Variants in ADGRL2 observed in about 807,000 individuals in gnomAD.
ADGRL2 encodes calcium-independent alpha-latrotoxin receptor 2.
Under a neutral mutation model 157.4 loss-of-function variants are expected in ADGRL2, and 44 were observed. The ratio of observed to expected loss-of-function variants is 0.28; its 90% confidence interval spans 0.22 to 0.36. The LOEUF is 0.36. ADGRL2 is among the 10% of genes least tolerant of loss of function. The pLI, the probability that ADGRL2 is intolerant of heterozygous loss-of-function variation, is 1.00. For missense variants in ADGRL2, 1,510 were observed against 1,768.9 expected, an observed-to-expected ratio of 0.85 and a Z score of 2.63; for synonymous variants, 585 against 624.7, an observed-to-expected ratio of 0.94 and a Z score of 0.95.
intron 1 of ADGRL2, among the ~76,000 whole-genome samples, chr1:81,331,523 T>C (rs1427101652): frequency 6.6e-6 from 1 of 152,128 alleles, no homozygotes; most frequent in African/African-American, 2.4e-5. Flanking sequence ...ATTATATTTG[T>C]TTTCCTCAAA....
chr1:81,802,045 C>G (rs1017219867), intron 1 of ADGRL2, among the ~76,000 whole-genome samples: 43 of 150,666 alleles, frequency 2.9e-4, no homozygotes, highest in African/African-American at 1.0e-3. Context: ...GAGGACGCGC[C>G]GAGCTGCGGC....
chr1:81,426,982 C>T (rs773734985), intron 1 of ADGRL2: 25 of 851,208 alleles, frequency 2.9e-5, no homozygotes, highest in Middle Eastern at 2.8e-4. Context: ...TTGATGATCA[C>T]GATACAGTTG....
intron 1 of ADGRL2, among the ~76,000 whole-genome samples, chr1:81,753,465 G>A (rs1183375899): frequency 6.6e-6 from 1 of 152,150 alleles, no homozygotes; most frequent in Admixed American, 6.5e-5. Context: ...TTTGGGTGGA[G>A]ACACAGAGCC....
At chr1:81,935,037 T>C (rs2095289674) in intron 3 of ADGRL2, among the ~76,000 whole-genome samples, 1 of 151,956 alleles carries the variant, frequency 6.6e-6, no homozygotes, top group Non-Finnish European at 1.5e-5. Context: ...CAGAATTATA[T>C]TTATTAGTTG....
intron 1 of ADGRL2, among the ~76,000 whole-genome samples, chr1:81,738,088 A>G (rs756090933): frequency 1.3e-5 from 2 of 152,186 alleles, no homozygotes; most frequent in African/African-American, 2.4e-5. Flanking sequence ...TAAAATAAAC[A>G]CACTCTATGT....
At chr1:81,684,296 C>T (rs1475305258) in intron 3 of ADGRL2, among the ~76,000 whole-genome samples, 1 of 152,168 alleles carries the variant, frequency 6.6e-6, no homozygotes, top group Admixed American at 6.6e-5. Flanking sequence ...TCAACATCTA[C>T]TGTTTTTTAA....
At chr1:81,347,335 A>G (rs1201658148) in intron 1 of ADGRL2, among the ~76,000 whole-genome samples, 1 of 151,970 alleles carries the variant, frequency 6.6e-6, no homozygotes, top group Non-Finnish European at 1.5e-5. Flanking sequence ...CGGGAAGCAG[A>G]GGTTGCAGTG....
intron 11 of ADGRL2, among the ~76,000 whole-genome samples, chr1:81,960,433 T>G (rs1654964298): frequency 6.6e-6 from 1 of 152,150 alleles, no homozygotes; most frequent in Non-Finnish European, 1.5e-5. Context: ...ATCAGCCTGA[T>G]CCATCCATTG....
At chr1:81,406,192 AT>A (rs989915372) in intron 1 of ADGRL2, among the ~76,000 whole-genome samples, 15 of 151,920 alleles carry the variant, frequency 9.9e-5, no homozygotes, top group South Asian at 2.1e-4. Flanking sequence ...ACATCATGAA[AT>A]TTTTTTTTAT....
At chr1:81,881,129 T>C (rs2093975575) in intron 2 of ADGRL2, among the ~76,000 whole-genome samples, 1 of 150,648 alleles carries the variant, frequency 6.6e-6, no homozygotes, top group Non-Finnish European at 1.5e-5. Flanking sequence ...GCTAGAACTT[T>C]ATATATATAT....
At chr1:81,466,722 G>A (rs1195144777) in intron 2 of ADGRL2, among the ~76,000 whole-genome samples, 1 of 151,832 alleles carries the variant, frequency 6.6e-6, no homozygotes, top group Non-Finnish European at 1.5e-5. Flanking sequence ...GTTTTCAATT[G>A]ATAATATGGC....
At position 81,520,299 on chromosome 1, in the gene ADGRL2, G is replaced by T. The variant is rs112107658; in HGVS notation, c.-247-60577G>T. ...TAAATCACTACTCATCTACTGTTTA[G>T]TACTAAAACCAATTATATTAGGTAG... On this transcript the variant is annotated intron_variant, in intron 2 of 24. Transcript: ENST00000370721. 2.6e-3 allele frequency among the ~76,000 whole-genome samples: 397 copies of T among 152,122 alleles called. 2 individuals carry two copies. The highest frequency in any genetic ancestry group is 9.1e-3 in the African/African-American group (376 of 41,492).
At chr1:81,595,087 A>T (rs2081205848) in intron 3 of ADGRL2, among the ~76,000 whole-genome samples, 1 of 137,822 alleles carries the variant, frequency 7.3e-6, no homozygotes, top group Admixed American at 7.4e-5. Flanking sequence ...GGTGACAGAC[A>T]CCTCTACAGC....
At chr1:81,899,473 T>C (rs1181527475) in intron 2 of ADGRL2, among the ~76,000 whole-genome samples, 1 of 152,206 alleles carries the variant, frequency 6.6e-6, no homozygotes, top group Non-Finnish European at 1.5e-5. Flanking sequence ...GAGAGAGTTA[T>C]ATCTTGACAT....
chr1:81,638,627 T>G (rs904031035), intron 3 of ADGRL2, among the ~76,000 whole-genome samples: 1 of 152,154 alleles, frequency 6.6e-6, no homozygotes, highest in Non-Finnish European at 1.5e-5. Flanking sequence ...TAGTTGTAAA[T>G]ATGTATACTG....
intron 1 of ADGRL2, among the ~76,000 whole-genome samples, chr1:81,314,638 A>G (rs1490220946): frequency 6.6e-6 from 1 of 152,190 alleles, no homozygotes. Flanking sequence ...GTTTCTAAAT[A>G]TATCCTAGAA....
At chr1:81,479,410 G>A (rs529183267) in intron 2 of ADGRL2, among the ~76,000 whole-genome samples, 1 of 152,134 alleles carries the variant, frequency 6.6e-6, no homozygotes, top group East Asian at 1.9e-4. Context: ...TTGAACCCAG[G>A]ATGCAGAGGT....
At chr1:81,688,729 G>T (rs866052853) in intron 3 of ADGRL2, among the ~76,000 whole-genome samples, 1 of 152,024 alleles carries the variant, frequency 6.6e-6, no homozygotes, top group South Asian at 2.1e-4. Flanking sequence ...TTGATTTTTG[G>T]GGGGTGTTGA....
chr1:81,319,908 A>G (rs1660390192), intron 1 of ADGRL2, among the ~76,000 whole-genome samples: 1 of 152,206 alleles, frequency 6.6e-6, no homozygotes, highest in Non-Finnish European at 1.5e-5. Context: ...AAATAAGACA[A>G]CAATGAAGTT....
Sources: gnomAD v4.1 joint callset for allele counts (sites outside exome capture counted in the v4.1 genomes callset) on GRCh38, gnomAD v4.1.1 for gene constraint, MANE v1.5 for transcripts, NCBI Gene and HGNC (gene_info 2026-07-23, HGNC 2026-07-21) for gene names.